DCK: variants seen among roughly 807,000 people sequenced by gnomAD.
DCK encodes deoxycytidine kinase, also known as deoxyadenosine kinase.
A neutral mutation model predicts 38.3 loss-of-function variants in DCK; 23 were observed. That is an observed-to-expected ratio of 0.60 (90% CI 0.43 to 0.85). The LOEUF (loss-of-function observed/expected upper bound fraction) is 0.85, where lower values mean the gene tolerates loss of function less well. Among genes scored for constraint, DCK ranks in the 40% least tolerant of loss-of-function variants. The probability of loss-of-function intolerance (pLI) is 0.00; values close to 1 mark genes in which losing one functional copy is unlikely to be tolerated. For missense variants in DCK, 259 were observed against 304.4 expected, an observed-to-expected ratio of 0.85 and a Z score of 1.11; for synonymous variants, 108 against 100.6, an observed-to-expected ratio of 1.07 and a Z score of -0.44.
At chr4:71,022,254 G>A in intron 2 of DCK, 113 bp from the exon 3 acceptor site, 1 of 561,328 alleles carries the variant, frequency 1.8e-6, no homozygotes, top group East Asian at 3.1e-5. Context: ...TCTTGGTTTT[G>A]CTGATCATGA....
intron 2 of DCK, among the ~76,000 whole-genome samples, chr4:71,007,746 T>G (rs970900865): frequency 6.6e-6 from 1 of 152,226 alleles, no homozygotes; most frequent in Non-Finnish European, 1.5e-5. Context: ...AGACAGGATT[T>G]CACTCTGTTG....
chr4:71,009,057 G>A (rs929363488), intron 2 of DCK, among the ~76,000 whole-genome samples: 2 of 152,176 alleles, frequency 1.3e-5, no homozygotes, highest in African/African-American at 4.8e-5. Flanking sequence ...TTATAGCAAG[G>A]TAGAATGGAA....
chr4:71,011,538 A>G (rs1013057945), intron 2 of DCK, among the ~76,000 whole-genome samples: 1 of 151,936 alleles, frequency 6.6e-6, no homozygotes, highest in Non-Finnish European at 1.5e-5. Context: ...TGTATTTTTT[A>G]TAGCGATAGG....
At chr4:71,021,066 CTTTTTT>C (rs34109101) in intron 2 of DCK, among the ~76,000 whole-genome samples, 2 of 86,000 alleles carry the variant, frequency 2.3e-5, no homozygotes, top group African/African-American at 4.0e-5. Flanking sequence ...GATGCTATTT[CTTTTTT>C]TTTTTTTTTT....
At chr4:71,026,567 C>T (rs1043160606) in intron 5 of DCK, 98 bp from the exon 6 acceptor site, 1 of 696,906 alleles carries the variant, frequency 1.4e-6, no homozygotes, top group Non-Finnish European at 2.6e-6. Context: ...TGATTGACAA[C>T]ATTTTGATTT....
rs1002144273 is a variant in DCK at position 71,029,348 on chromosome 4, T to G, written c.757-4T>G. The G allele has an allele frequency of 1.3e-6, 2 of 1,590,330 alleles. No homozygotes were observed. The highest frequency in any genetic ancestry group is 1.4e-5 in the African/African-American group (1 of 73,718). On this transcript the variant is annotated splice_polypyrimidine_tract_variant and splice_region_variant and intron_variant, in intron 6 of 6. Coordinates refer to ENST00000286648, the MANE Select transcript of DCK (RefSeq NM_000788.3). ...TACTGATTTTTTTTTCTTCCTTTCCTCAGGTCAAAGAGTTTTTGAGTACTT... is the reference window on the plus strand; with the variant it reads ...TACTGATTTTTTTTTCTTCCTTTCCGCAGGTCAAAGAGTTTTTGAGTACTT...
Position 71,023,554 on chromosome 4 carries a change from T to C in DCK, c.402-5T>C, listed in dbSNP as rs1324866446. ...ATACATGTGTTGATGAAGACTCTCT[T>C]TTAGGTATATTTTTGCATCTAATTT... On this transcript the variant is annotated splice_region_variant and splice_polypyrimidine_tract_variant and intron_variant, in intron 3 of 6. Transcript: ENST00000286648. The C allele has an allele frequency of 1.3e-6, 2 of 1,563,382 alleles. No homozygotes were observed. Among genetic ancestry groups the C allele is most frequent in the South Asian group, 2.3e-5 (2 of 85,786 alleles).
rs1409203041 is a variant in DCK at position 71,029,966 on chromosome 4, T to A, written c.*588T>A. On this transcript the variant is annotated 3_prime_UTR_variant, in exon 7 of 7. Coordinates refer to ENST00000286648, the MANE Select transcript of DCK (RefSeq NM_000788.3). ...CTGCTTTCTCTACTGTCTGGATTAA[T>A]TAGGCAGCCTGCTATAAAGTTAAAG... 6.5e-6 allele frequency: 1 copy of A among 152,706 alleles called. No homozygotes were observed. Among genetic ancestry groups the A allele is most frequent in the African/African-American group, 2.4e-5 (1 of 41,484 alleles). The allele number at this position is 152,706 out of a possible 1,614,324, so 9.5% of individuals were successfully genotyped here.
Position 71,022,352 on chromosome 4 carries a change from G to T in DCK, c.208-15G>T. 1.4e-6 allele frequency: 2 copies of T among 1,454,744 alleles called. No homozygotes were observed. The highest frequency in any genetic ancestry group is 1.5e-5 in the South Asian group (1 of 67,774). 90.1% of individuals were successfully genotyped at this position (1,454,744 alleles called of 1,614,324 possible). A position where few individuals can be genotyped will look rare whatever the true frequency, so the allele number is the denominator to read the frequency against. ...TTAATTTTGCTTTTTATTTCTTTTT[G>T]CACATTCAAAATAGGAACTTACAAT... On this transcript the variant is annotated splice_polypyrimidine_tract_variant and intron_variant, in intron 2 of 6. Transcript: ENST00000286648.
intron 6 of DCK, chr4:71,028,700 G>T: frequency 2.3e-6 from 1 of 436,836 alleles, no homozygotes; most frequent in Non-Finnish European, 4.6e-6. Context: ...GGTTCAACCA[G>T]TTCTGCCTCA....
intron 2 of DCK, among the ~76,000 whole-genome samples, chr4:71,010,436 G>A (rs1208583780): frequency 6.6e-6 from 1 of 150,670 alleles, no homozygotes; most frequent in Non-Finnish European, 1.5e-5. Flanking sequence ...TGATTTAATT[G>A]TTTCCTTTTA....
intron 2 of DCK, among the ~76,000 whole-genome samples, chr4:71,019,033 T>C (rs535764250): frequency 6.6e-6 from 1 of 152,276 alleles, no homozygotes; most frequent in East Asian, 1.9e-4. Context: ...GCAATTTGTC[T>C]CAAATTTCAT....
intron 2 of DCK, among the ~76,000 whole-genome samples, chr4:70,998,733 C>G (rs562719641): frequency 4.5e-4 from 68 of 151,976 alleles, no homozygotes; most frequent in African/African-American, 1.6e-3. Flanking sequence ...AGACCAGCCT[C>G]GTTAACATGG....
intron 2 of DCK, among the ~76,000 whole-genome samples, chr4:71,016,458 A>G (rs1451639957): frequency 6.6e-6 from 1 of 152,214 alleles, no homozygotes; most frequent in African/African-American, 2.4e-5. Flanking sequence ...GGAACCAAAA[A>G]AGAGCCCGCA....
chr4:71,022,510 A>G lies in DCK; in HGVS notation c.351A>G (p.Lys117=). The change falls in exon 3 of 7, where the codon AAA becomes AAG. Residue 117 remains lysine, a synonymous_variant. Coordinates refer to ENST00000286648, the MANE Select transcript of DCK (RefSeq NM_000788.3). Reference sequence around the variant, plus strand: ...TTGCCTCTCTGAATGGCAAGCTCAAAGATGCAGAGAAACCTGTATTATTTT... The same window carrying G: ...TTGCCTCTCTGAATGGCAAGCTCAAGGATGCAGAGAAACCTGTATTATTTT... ...AQLASLNGKL[K]DAEKPVLFFE... The G allele has an allele frequency of 1.2e-6, 2 of 1,602,632 alleles. No homozygotes were observed. The highest frequency in any genetic ancestry group is 8.5e-7 in the Non-Finnish European group (1 of 1,175,884).
chr4:71,010,661 A>C (rs919707871), intron 2 of DCK, among the ~76,000 whole-genome samples: 1 of 147,626 alleles, frequency 6.8e-6, no homozygotes, highest in Non-Finnish European at 1.5e-5. Flanking sequence ...AATTATATAC[A>C]TAAGTTATAT....
chr4:71,025,674 A>T, intron 4 of DCK, 142 bp from the exon 5 acceptor site: 1 of 1,132,790 alleles, frequency 8.8e-7, no homozygotes, highest in Non-Finnish European at 1.2e-6. Flanking sequence ...GGGAAAAATG[A>T]ATTATTTCAG....
intron 2 of DCK, among the ~76,000 whole-genome samples, chr4:71,012,675 G>A (rs935698006): frequency 6.6e-6 from 1 of 152,232 alleles, no homozygotes; most frequent in Admixed American, 6.5e-5. Context: ...TGGACCTCCA[G>A]CAAACTCCAA....
intron 2 of DCK, among the ~76,000 whole-genome samples, chr4:71,020,262 G>T (rs1464336056): frequency 5.9e-5 from 9 of 152,228 alleles, no homozygotes; most frequent in Non-Finnish European, 1.3e-4. Context: ...AAATTTATAG[G>T]TAGAGACAGG....
Sources: allele counts gnomAD v4.1 joint callset (sites outside exome capture counted in the v4.1 genomes callset), GRCh38; gene constraint gnomAD v4.1.1; transcripts MANE v1.5; gene names NCBI Gene and HGNC (gene_info 2026-07-23, HGNC 2026-07-21).